Variants in NBAS observed in about 807,000 individuals in gnomAD.
The protein encoded by NBAS is NBAS subunit of NRZ tethering complex.
Under a neutral mutation model 302.5 loss-of-function variants are expected in NBAS, and 219 were observed. The observed-to-expected ratio is 0.72, with a 90% CI of 0.65 to 0.81. NBAS has a LOEUF of 0.81. Among genes scored for constraint, NBAS ranks in the 30% least tolerant of loss-of-function variants. The pLI is 0.00. For missense variants in NBAS, 2,932 were observed against 2,841.6 expected, an observed-to-expected ratio of 1.03 and a Z score of -0.72; for synonymous variants, 1,118 against 1,021.6, an observed-to-expected ratio of 1.09 and a Z score of -1.80.
intron 47 of NBAS, among the ~76,000 whole-genome samples, chr2:15,229,407 A>G (rs1405097293): frequency 6.6e-6 from 1 of 151,686 alleles, no homozygotes; most frequent in Non-Finnish European, 1.5e-5. Flanking sequence ...AACGTGTACA[A>G]TTATTGTGTG....
the NBAS span, among the ~76,000 whole-genome samples, chr2:14,783,318 TTTA>T: frequency 1.7e-4 from 26 of 151,578 alleles, no homozygotes; most frequent in Admixed American, 1.4e-3. Context: ...AATTCTTTTT[TTTA>T]TTATTATTAT....
the NBAS span, among the ~76,000 whole-genome samples, chr2:14,883,980 T>A: frequency 0.45 from 67,091 of 149,126 alleles, 16,311 homozygotes; most frequent in African/African-American, 0.65. Flanking sequence ...TCAAAAAAAA[T>A]AAAATAAAAT....
chr2:15,391,172 T>C (rs1056672860), intron 28 of NBAS, among the ~76,000 whole-genome samples: 4 of 151,704 alleles, frequency 2.6e-5, no homozygotes, highest in Non-Finnish European at 4.4e-5. Flanking sequence ...GAAGAAAAAA[T>C]TATTCAAAAC....
At chr2:15,479,268 T>C (rs1680322898) in intron 12 of NBAS, among the ~76,000 whole-genome samples, 1 of 152,104 alleles carries the variant, frequency 6.6e-6, no homozygotes, top group African/African-American at 2.4e-5. Flanking sequence ...AGAAATGGAG[T>C]GTCCTGGTTT....
Position 15,227,596 on chromosome 2 carries a change from C to T in NBAS, c.6236+4826G>A, listed in dbSNP as rs776656988. The stretch of plus-strand genomic sequence containing the variant: ...CTTGACCTCAAAATATACAACAAAG[C>T]TATGGTAACCCAAACAGCATGGTAG... On this transcript the variant is annotated intron_variant, in intron 47 of 51. Transcript: ENST00000281513. Among the ~76,000 whole-genome samples, 3 of 152,150 alleles carry T rather than the reference C, an allele frequency of 2.0e-5. No homozygotes were observed. The South Asian group carries it at 6.2e-4, about 31-fold the overall frequency.
At chr2:14,857,922 C>T in the NBAS span, among the ~76,000 whole-genome samples, 1 of 152,054 alleles carries the variant, frequency 6.6e-6, no homozygotes, top group Non-Finnish European at 1.5e-5. Context: ...CAAACTATCC[C>T]TCTGACAGGG....
the NBAS span, among the ~76,000 whole-genome samples, chr2:15,114,317 G>A: frequency 5.9e-3 from 900 of 152,270 alleles, 3 homozygotes; most frequent in Middle Eastern, 0.01. Context: ...TCCCGGGCTC[G>A]TAGATGGACC....
At chr2:15,485,266 AT>A (rs1553323589) in intron 12 of NBAS, among the ~76,000 whole-genome samples, 2 of 152,144 alleles carry the variant, frequency 1.3e-5, no homozygotes, top group Non-Finnish European at 2.9e-5. Context: ...AGATCATCAA[AT>A]AAAAAGAATC....
At chr2:15,205,541 AC>A in intron 48 of NBAS, among the ~76,000 whole-genome samples, 1 of 152,228 alleles carries the variant, frequency 6.6e-6, no homozygotes, top group East Asian at 1.9e-4. Context: ...AAGACAACAT[AC>A]GCTCAAAATA....
At chr2:14,948,897 T>C in the NBAS span, among the ~76,000 whole-genome samples, 1 of 152,046 alleles carries the variant, frequency 6.6e-6, no homozygotes, top group Non-Finnish European at 1.5e-5. Context: ...TAAAAACAGA[T>C]ACATAGATCA....
At chr2:15,391,005 G>A (rs1261155955) in intron 28 of NBAS, among the ~76,000 whole-genome samples, 1 of 152,022 alleles carries the variant, frequency 6.6e-6, no homozygotes, top group Non-Finnish European at 1.5e-5. Flanking sequence ...AGCTACTCGG[G>A]AGGCTGAGAC....
At chr2:15,508,227 G>A (rs958938848) in intron 10 of NBAS, among the ~76,000 whole-genome samples, 8 of 152,098 alleles carry the variant, frequency 5.3e-5, no homozygotes, top group East Asian at 1.9e-4. Context: ...TTTTGTCAGC[G>A]CACAAGCAAT....
chr2:15,545,073 A>G (rs1426512739), intron 6 of NBAS, among the ~76,000 whole-genome samples: 2 of 152,192 alleles, frequency 1.3e-5, no homozygotes, highest in Non-Finnish European at 2.9e-5. Flanking sequence ...TTTAAATGTG[A>G]AACATTCATG....
At chr2:15,033,408 C>T in the NBAS span, among the ~76,000 whole-genome samples, 6 of 84,224 alleles carry the variant, frequency 7.1e-5, no homozygotes, top group East Asian at 5.1e-4. Context: ...TTAAATAAGA[C>T]TTCAAACTTT....
the NBAS span, among the ~76,000 whole-genome samples, chr2:15,036,528 C>G: frequency 6.6e-6 from 1 of 152,162 alleles, no homozygotes; most frequent in African/African-American, 2.4e-5. Flanking sequence ...GAGTCACTTT[C>G]CACCTTAACA....
At position 15,330,721 on chromosome 2, in the gene NBAS, G is replaced by A. The variant is rs770595368; in HGVS notation, c.4224C>T (p.Arg1408=). The change falls in exon 36 of 52, where the codon CGC becomes CGT. Residue 1408 remains arginine, a synonymous_variant. Transcript: ENST00000281513. Reference sequence around the variant, plus strand: ...CTTTCATGGTGGTAGCAGTGGTCCAGCGCAATAGGTCAGCTGAATTGCTAC... The same window carrying A: ...CTTTCATGGTGGTAGCAGTGGTCCAACGCAATAGGTCAGCTGAATTGCTAC... ...VPGSNSADLL[R]WTTATTMKVL... 9 of 1,613,938 alleles carry A rather than the reference G, an allele frequency of 5.6e-6. No individual in the cohort carries two copies. The highest frequency in any genetic ancestry group is 7.6e-6 in the Non-Finnish European group (9 of 1,179,952).
At chr2:14,942,313 G>A in the NBAS span, among the ~76,000 whole-genome samples, 1,360 of 152,270 alleles carry the variant, frequency 8.9e-3, 8 homozygotes, top group Non-Finnish European at 0.014. Context: ...GAAAGTGATT[G>A]GATCATGGGA....
intron 31 of NBAS, among the ~76,000 whole-genome samples, chr2:15,373,022 C>T (rs1674563895): frequency 6.6e-6 from 1 of 152,096 alleles, no homozygotes; most frequent in African/African-American, 2.4e-5. Context: ...GAGATACAAA[C>T]AGAGCAAAGG....
the NBAS span, among the ~76,000 whole-genome samples, chr2:14,885,738 G>C: frequency 6.6e-6 from 1 of 152,110 alleles, no homozygotes; most frequent in Non-Finnish European, 1.5e-5. Flanking sequence ...AGAAGCAGAG[G>C]CCTACGAGGT....
Sources: gnomAD v4.1 joint callset for allele counts (sites outside exome capture counted in the v4.1 genomes callset) on GRCh38, gnomAD v4.1.1 for gene constraint, MANE v1.5 for transcripts, NCBI Gene and HGNC (gene_info 2026-07-23, HGNC 2026-07-21) for gene names.